The following LHFPL6 variants were observed in gnomAD, a reference collection of about 807,000 sequenced individuals.
LHFPL6 encodes the protein LHFPL tetraspan subfamily member 6 protein.
Under a neutral mutation model 20.6 loss-of-function variants are expected in LHFPL6, and 9 were observed. That is an observed-to-expected ratio of 0.44 (90% CI 0.26 to 0.76). LHFPL6 has a LOEUF of 0.76. Ranked by LOEUF, LHFPL6 falls within the 30% of genes least tolerant of loss-of-function variation. The probability of loss-of-function intolerance (pLI) is 0.20; values close to 1 mark genes in which losing one functional copy is unlikely to be tolerated. For missense variants in LHFPL6, 218 were observed against 253.5 expected (o/e 0.86, Z 0.95); for synonymous variants, 105 against 98.7 (o/e 1.06, Z -0.38).
At chr13:39,523,298 G>A (rs9576831) in intron 2 of LHFPL6, among the ~76,000 whole-genome samples, 3,042 of 152,254 alleles carry the variant, frequency 0.02, 82 homozygotes, top group East Asian at 0.095. Context: ...GGCCAGGCGC[G>A]GTGGCTCACG....
intron 2 of LHFPL6, among the ~76,000 whole-genome samples, chr13:39,437,788 G>C (rs1247441254): frequency 6.6e-6 from 1 of 151,950 alleles, no homozygotes; most frequent in Non-Finnish European, 1.5e-5. Flanking sequence ...TGTAGTCCCA[G>C]CTACTTGGGA....
intron 2 of LHFPL6, among the ~76,000 whole-genome samples, chr13:39,408,183 TAAGA>T (rs1299443107): frequency 1.3e-5 from 2 of 152,230 alleles, no homozygotes; most frequent in African/African-American, 2.4e-5. Flanking sequence ...TCAATTTTGC[TAAGA>T]AATAGCTGAG....
At chr13:39,467,649 G>A (rs1436688298) in intron 2 of LHFPL6, among the ~76,000 whole-genome samples, 1 of 152,132 alleles carries the variant, frequency 6.6e-6, no homozygotes, top group East Asian at 1.9e-4. Flanking sequence ...ATTAATCAGA[G>A]AAGATTAAAT....
intron 2 of LHFPL6, among the ~76,000 whole-genome samples, chr13:39,399,113 C>T (rs1185158891): frequency 6.6e-6 from 1 of 152,168 alleles, no homozygotes; most frequent in Non-Finnish European, 1.5e-5. Flanking sequence ...TTTTAAAAAT[C>T]CTATGGTTAT....
chr13:39,446,327 A>G (rs556004346), intron 2 of LHFPL6, among the ~76,000 whole-genome samples: 1 of 152,316 alleles, frequency 6.6e-6, no homozygotes, highest in East Asian at 1.9e-4. Flanking sequence ...TACCACTCAG[A>G]ACCATTTAGT....
chr13:39,569,993 A>G lies in LHFPL6; in HGVS notation c.385+30839T>C, dbSNP rs80068293. Among the ~76,000 whole-genome samples, 1,471 of 152,330 alleles carry G rather than the reference A, an allele frequency of 9.7e-3. 46 individuals are homozygous for G. The highest frequency in any genetic ancestry group is 0.069 in the East Asian group (358 of 5,188). On this transcript the variant is annotated intron_variant, in intron 2 of 3. Transcript: ENST00000379589. ...AATGGTGGAAGAAAAGGAAATTCTTACATTCTTTTCACTTCAAAATTCTGA... is the reference window on the plus strand; with the variant it reads ...AATGGTGGAAGAAAAGGAAATTCTTGCATTCTTTTCACTTCAAAATTCTGA...
intron 2 of LHFPL6, among the ~76,000 whole-genome samples, chr13:39,419,789 T>G (rs1270192991): frequency 1.3e-5 from 2 of 152,120 alleles, no homozygotes; most frequent in African/African-American, 4.8e-5. Flanking sequence ...ATAAGTTATT[T>G]TTCTATCTTT....
chr13:39,452,325 T>G (rs749610659), intron 2 of LHFPL6, among the ~76,000 whole-genome samples: 1 of 152,150 alleles, frequency 6.6e-6, no homozygotes, highest in African/African-American at 2.4e-5. Context: ...GACTCCATAT[T>G]TGAAATGTTT....
chr13:39,459,194 A>ATGTGTGTGTGTGTGTGTGTGTGTGTGTG (rs58955444), intron 2 of LHFPL6, among the ~76,000 whole-genome samples: 1 of 135,982 alleles, frequency 7.4e-6, no homozygotes, highest in African/African-American at 2.8e-5. Context: ...AAGTTCCTTA[A>ATGTGTGTGTGTGTGTGTGTGTGTGTGTG]TGTGTGTGTG....
At chr13:39,511,797 C>G (rs1245949747) in intron 2 of LHFPL6, among the ~76,000 whole-genome samples, 1 of 152,210 alleles carries the variant, frequency 6.6e-6, no homozygotes. Flanking sequence ...TAAGATTACA[C>G]CTGTTTTTAG....
intron 2 of LHFPL6, among the ~76,000 whole-genome samples, chr13:39,440,015 G>T (rs990413462): frequency 6.6e-6 from 1 of 152,196 alleles, no homozygotes; most frequent in Non-Finnish European, 1.5e-5. Flanking sequence ...ACTTCATTAA[G>T]TAACTGTTTT....
At chr13:39,469,145 G>A (rs1872880613) in intron 2 of LHFPL6, among the ~76,000 whole-genome samples, 1 of 152,142 alleles carries the variant, frequency 6.6e-6, no homozygotes, top group Admixed American at 6.5e-5. Context: ...AGTACTTCAA[G>A]TCACTCTACT....
chr13:39,503,243 C>A (rs1869357400), intron 2 of LHFPL6, among the ~76,000 whole-genome samples: 1 of 152,168 alleles, frequency 6.6e-6, no homozygotes. Flanking sequence ...CACTAGCCTC[C>A]CAGCCATTCT....
At chr13:39,537,747 CA>C (rs1870664317) in intron 2 of LHFPL6, among the ~76,000 whole-genome samples, 1 of 151,978 alleles carries the variant, frequency 6.6e-6, no homozygotes, top group South Asian at 2.1e-4. Context: ...AAACAAAGCA[CA>C]ATTATCAGGA....
At chr13:39,501,698 C>T (rs1004099699) in intron 2 of LHFPL6, among the ~76,000 whole-genome samples, 1 of 152,134 alleles carries the variant, frequency 6.6e-6, no homozygotes, top group Non-Finnish European at 1.5e-5. Context: ...GAAATGTTTT[C>T]TCTCCATTTA....
intron 2 of LHFPL6, among the ~76,000 whole-genome samples, chr13:39,568,787 A>G (rs1253162827): frequency 6.6e-6 from 1 of 152,104 alleles, no homozygotes; most frequent in East Asian, 1.9e-4. Flanking sequence ...GGCCAGTGCT[A>G]CCTCCAGAGA....
At chr13:39,558,130 C>T (rs1173198262) in intron 2 of LHFPL6, among the ~76,000 whole-genome samples, 1 of 152,186 alleles carries the variant, frequency 6.6e-6, no homozygotes, top group Non-Finnish European at 1.5e-5. Context: ...GACCAACACA[C>T]TATCACACCG....
intron 3 of LHFPL6, among the ~76,000 whole-genome samples, chr13:39,358,589 C>A (rs562113553): frequency 1.1e-5 from 1 of 93,052 alleles, no homozygotes; most frequent in Non-Finnish European, 2.6e-5. Context: ...AAATGATCAA[C>A]GGAGTAAACA....
chr13:39,592,168 A>T (rs1245544134), intron 2 of LHFPL6, among the ~76,000 whole-genome samples: 1 of 152,164 alleles, frequency 6.6e-6, no homozygotes, highest in Non-Finnish European at 1.5e-5. Context: ...AAGCATCAAA[A>T]CAATAAAAAT....
Sources: allele counts gnomAD v4.1 joint callset (sites outside exome capture counted in the v4.1 genomes callset), GRCh38; gene constraint gnomAD v4.1.1; transcripts MANE v1.5; gene names NCBI Gene and HGNC (gene_info 2026-07-23, HGNC 2026-07-21).